The following EIF5B variants were observed in gnomAD, a reference collection of about 807,000 sequenced individuals.
EIF5B encodes the protein eukaryotic translation initiation factor 5B.
Under a neutral mutation model 147.5 loss-of-function variants are expected in EIF5B, and 47 were observed. The observed-to-expected ratio is 0.32, with a 90% CI of 0.25 to 0.41. The LOEUF is 0.41. EIF5B is among the 10% of genes least tolerant of loss of function. EIF5B has a pLI of 1.00. For synonymous variants in EIF5B, 455 were observed against 456.2 expected (o/e 1.00, Z 0.03); for missense variants, 1,064 against 1,413.2 (o/e 0.75, Z 3.96).
chr2:99,348,656 G>A (rs956501328), intron 1 of EIF5B, among the ~76,000 whole-genome samples: 4 of 152,184 alleles, frequency 2.6e-5, no homozygotes, highest in African/African-American at 9.7e-5. Context: ...CTATTATTAA[G>A]AGTTTTGGCG....
In EIF5B at chr2:99,361,408, T is replaced by C. The variant is rs373226163; in HGVS notation, c.507T>C (p.Asp169=). ...GGGATGGGTCAGAGGAGGATGAGGA[T>C]AACAGTAAAAAAATTAAAGAGCGTT... ...KKWDGSEEDE[D]NSKKIKERSR... is the part of the protein sequence containing the mutation. The change falls in exon 4 of 24, where the codon GAT becomes GAC. Residue 169 remains aspartate, a synonymous_variant. Transcript: ENST00000289371. 88 of 1,613,592 alleles carry C rather than the reference T, an allele frequency of 5.5e-5. No individual in the cohort carries two copies. The highest frequency in any genetic ancestry group is 7.5e-5 in the Non-Finnish European group (88 of 1,180,002).
chr2:99,393,912 T>A (rs982277625), intron 18 of EIF5B, among the ~76,000 whole-genome samples: 1 of 152,246 alleles, frequency 6.6e-6, no homozygotes, highest in African/African-American at 2.4e-5. Flanking sequence ...AGCTGAACTT[T>A]TGGGCTATCA....
intron 1 of EIF5B, among the ~76,000 whole-genome samples, chr2:99,344,264 G>C (rs557355218): frequency 6.6e-6 from 1 of 152,266 alleles, no homozygotes. Flanking sequence ...AATACCATTT[G>C]TTGAAGAGAA....
In EIF5B at chr2:99,361,352, A is replaced by G. The variant is rs1024381423; in HGVS notation, c.451A>G (p.Lys151Glu). Residue 151 changes from lysine to glutamate, a missense_variant, in exon 4 of 24, where the codon AAA becomes GAA. Around this residue, in one of 4 missense-constraint regions of EIF5B, gnomAD observed 458 missense variants for 451.3 expected, o/e 1.01. Transcript: ENST00000289371. ...TTTTAACAAACTTCCTAAAAAAGCTAAAGGGAAAGCTCAAAAATCAAATAA... is the reference window on the plus strand; with the variant it reads ...TTTTAACAAACTTCCTAAAAAAGCTGAAGGGAAAGCTCAAAAATCAAATAA... ...DDFNKLPKKA[K>E]GKAQKSNKKW... 2.9e-5 allele frequency: 47 copies of G among 1,611,070 alleles called. No individual in the cohort carries two copies. Among genetic ancestry groups the G allele is most frequent in the Non-Finnish European group, 3.8e-5 (45 of 1,179,340 alleles).
chr2:99,355,610 G>GAT (rs921212284), intron 1 of EIF5B, among the ~76,000 whole-genome samples: 1 of 98,614 alleles, frequency 1.0e-5, no homozygotes, highest in Non-Finnish European at 2.0e-5. Flanking sequence ...TGTTTTTTGG[G>GAT]TTTTTTTTTT....
chr2:99,363,684 AAAAG>A lies in EIF5B; in HGVS notation c.964_967del (p.Lys322GlufsTer44). On this transcript the variant is annotated frameshift_variant, in exon 5 of 24. Transcript: ENST00000289371. LOFTEE classifies it high-confidence loss of function. ...GACAAAAAGAAGAAAGATAAGAAGAAAAAGAAAGGAGAAAAGGAAGAAAAAGAGA... is the reference window on the plus strand; with the variant it reads ...GACAAAAAGAAGAAAGATAAGAAGAAAAAGGAGAAAAGGAAGAAAAAGAGA... The A allele has an allele frequency of 1.3e-6, 2 of 1,593,310 alleles. No individual in the cohort carries two copies. Among genetic ancestry groups the A allele is most frequent in the Non-Finnish European group, 1.7e-6 (2 of 1,175,160 alleles).
chr2:99,353,005 CTTTTTTTTTTTTTTTTT>C (rs529053292), intron 1 of EIF5B, among the ~76,000 whole-genome samples: 4 of 62,856 alleles, frequency 6.4e-5, no homozygotes, highest in South Asian at 1.7e-3. Context: ...TCTTCTTCTT[CTTTTTTTTTTTTTTTTT>C]TTTTTTTTTT....
At chr2:99,362,704 A>G (rs1674245504) in intron 4 of EIF5B, among the ~76,000 whole-genome samples, 3 of 152,022 alleles carry the variant, frequency 2.0e-5, no homozygotes, top group Non-Finnish European at 4.4e-5. Flanking sequence ...GTCTCAAAAA[A>G]CCAACAAAAG....
intron 9 of EIF5B, among the ~76,000 whole-genome samples, chr2:99,375,361 T>A (rs1674540445): frequency 6.6e-6 from 1 of 152,246 alleles, no homozygotes; most frequent in Non-Finnish European, 1.5e-5. Context: ...TGGAATAATC[T>A]TATTCTAGAT....
intron 8 of EIF5B, among the ~76,000 whole-genome samples, chr2:99,371,435 C>G (rs1674448257): frequency 6.6e-6 from 1 of 150,760 alleles, no homozygotes; most frequent in Non-Finnish European, 1.5e-5. Flanking sequence ...TTGCAGTGAG[C>G]CGAGATCACG....
chr2:99,376,533 A>G lies in EIF5B; in HGVS notation c.1739A>G (p.Asp580Gly). ...SDEKDSGKTL[D>G]KKPSKEMSSD... ...GAGAAGGATTCAGGGAAGACATTAGATAAAAAGCCAAGTAAAGAAATGAGC... is the reference window on the plus strand; with the variant it reads ...GAGAAGGATTCAGGGAAGACATTAGGTAAAAAGCCAAGTAAAGAAATGAGC... Residue 580 changes from aspartate (D) to glycine (G), a missense_variant, in exon 10 of 24, where the codon GAT becomes GGT. Physicochemically the swap from Asp to Gly is moderately conservative, Grantham distance 94. Around this residue, in one of 4 missense-constraint regions of EIF5B, gnomAD observed 195 missense variants for 186.3 expected, o/e 1.05. Transcript: ENST00000289371. 2.5e-6 allele frequency: 4 copies of G among 1,614,006 alleles called. No individual in the cohort carries two copies. The highest frequency in any genetic ancestry group is 1.7e-6 in the Non-Finnish European group (2 of 1,179,924).
intron 21 of EIF5B, among the ~76,000 whole-genome samples, chr2:99,395,582 G>A (rs1675026543): frequency 6.6e-6 from 1 of 152,192 alleles, no homozygotes; most frequent in Non-Finnish European, 1.5e-5. Flanking sequence ...TGATCCACCT[G>A]CCTCTGCCTC....
intron 1 of EIF5B, among the ~76,000 whole-genome samples, chr2:99,346,370 T>G (rs1287378147): frequency 6.6e-6 from 1 of 152,172 alleles, no homozygotes. Context: ...TTGAGAGTGG[T>G]TGTCTACATA....
intron 7 of EIF5B, among the ~76,000 whole-genome samples, chr2:99,368,899 G>C (rs1387372327): frequency 2.6e-5 from 4 of 152,126 alleles, no homozygotes; most frequent in African/African-American, 9.7e-5. Flanking sequence ...TGTGATTTTT[G>C]TATTTTATTT....
At chr2:99,391,061 A>G (rs1674918877) in intron 17 of EIF5B, among the ~76,000 whole-genome samples, 2 of 152,206 alleles carry the variant, frequency 1.3e-5, no homozygotes, top group African/African-American at 4.8e-5. Context: ...AACTCCTAAT[A>G]GCCTACCATT....
chr2:99,356,962 A>T (rs182872431), intron 1 of EIF5B, among the ~76,000 whole-genome samples: 4 of 152,242 alleles, frequency 2.6e-5, no homozygotes, highest in Admixed American at 2.6e-4. Context: ...GAGTTTTAAG[A>T]GTTCTCTGTG....
intron 14 of EIF5B, among the ~76,000 whole-genome samples, chr2:99,386,836 C>T (rs758596750): frequency 2.0e-4 from 31 of 152,214 alleles, no homozygotes; most frequent in Non-Finnish European, 2.5e-4. Flanking sequence ...TGAGCCACCA[C>T]GCCCAGCCTC....
chr2:99,392,909 C>T, intron 17 of EIF5B, 58 bp from the exon 18 acceptor site: 1 of 1,332,178 alleles, frequency 7.5e-7, no homozygotes, highest in Non-Finnish European at 9.7e-7. Flanking sequence ...CTTATATCAT[C>T]TTCTACTGCT....
At chr2:99,393,207 C>A in intron 18 of EIF5B, 109 bp downstream of exon 18, 1 of 1,022,512 alleles carries the variant, frequency 9.8e-7, no homozygotes, top group Non-Finnish European at 1.3e-6. Flanking sequence ...CTTTGTGAAG[C>A]CTGCCATTTC....
Sources: gnomAD v4.1 joint callset for allele counts (sites outside exome capture counted in the v4.1 genomes callset) on GRCh38, gnomAD v4.1.1 for gene constraint, gnomAD v4.1.1 regional missense constraint, MANE v1.5 for transcripts, NCBI Gene and HGNC (gene_info 2026-07-23, HGNC 2026-07-21) for gene names.